ZNF423: variants seen among roughly 807,000 people sequenced by gnomAD.
ZNF423 encodes zinc finger protein 423, also known as Ebf-associated zinc finger protein.
Under a neutral mutation model 95.8 loss-of-function variants are expected in ZNF423, and 12 were observed. The observed-to-expected ratio is 0.13, with a 90% CI of 0.08 to 0.20. The LOEUF (loss-of-function observed/expected upper bound fraction) is 0.20. Among genes scored for constraint, ZNF423 ranks in the 10% least tolerant of loss-of-function variants. The pLI is 1.00. For missense variants in ZNF423, 1,316 were observed against 1,737.1 expected, an observed-to-expected ratio of 0.76 and a Z score of 4.31; for synonymous variants, 749 against 711.9, an observed-to-expected ratio of 1.05 and a Z score of -0.83.
intron 5 of ZNF423, among the ~76,000 whole-genome samples, chr16:49,556,343 T>C (rs1429206708): frequency 6.6e-6 from 1 of 152,144 alleles, no homozygotes; most frequent in African/African-American, 2.4e-5. Context: ...AAGCCCTCCC[T>C]CTCACCCTAG....
chr16:49,750,592 C>T (rs2033616209), intron 2 of ZNF423, among the ~76,000 whole-genome samples: 1 of 152,162 alleles, frequency 6.6e-6, no homozygotes, highest in Admixed American at 6.5e-5. Flanking sequence ...TGTGCACTCA[C>T]AAAACACTCA....
intron 7 of ZNF423, among the ~76,000 whole-genome samples, chr16:49,517,089 A>T (rs961416462): frequency 1.3e-5 from 2 of 152,358 alleles, no homozygotes; most frequent in Admixed American, 1.3e-4. Context: ...AGAAAGAGGC[A>T]GAAGGCAGGG....
At chr16:49,525,044 G>A (rs1200422719) in intron 6 of ZNF423, among the ~76,000 whole-genome samples, 1 of 152,218 alleles carries the variant, frequency 6.6e-6, no homozygotes, top group Non-Finnish European at 1.5e-5. Flanking sequence ...GGCCCGGGAG[G>A]GGAAAACTGC....
chr16:49,742,852 C>G (rs2143505568), intron 2 of ZNF423, among the ~76,000 whole-genome samples: 1 of 152,162 alleles, frequency 6.6e-6, no homozygotes, highest in South Asian at 2.1e-4. Context: ...GGATCTGTAC[C>G]CCTAAAACCA....
intron 3 of ZNF423, among the ~76,000 whole-genome samples, chr16:49,670,579 T>G (rs1041428423): frequency 6.6e-6 from 1 of 152,022 alleles, no homozygotes; most frequent in Non-Finnish European, 1.5e-5. Flanking sequence ...GAGGAGGAGT[T>G]GGGGCTGCAT....
chr16:49,544,018 G>A (rs902586833), intron 5 of ZNF423, among the ~76,000 whole-genome samples: 7 of 152,196 alleles, frequency 4.6e-5, no homozygotes, highest in Non-Finnish European at 7.3e-5. Flanking sequence ...AATTAACACC[G>A]TCATTAGTCT....
At chr16:49,850,336 G>A (rs2035289578) in intron 1 of ZNF423, among the ~76,000 whole-genome samples, 1 of 152,114 alleles carries the variant, frequency 6.6e-6, no homozygotes, top group African/African-American at 2.4e-5. Flanking sequence ...CTGATTACCC[G>A]CTAACATGTC....
intron 1 of ZNF423, among the ~76,000 whole-genome samples, chr16:49,838,634 G>A (rs2035146937): frequency 6.6e-6 from 1 of 152,092 alleles, no homozygotes; most frequent in Non-Finnish European, 1.5e-5. Flanking sequence ...CCAGCTGTGG[G>A]CTCGACGCCG....
chr16:49,844,729 C>T (rs1468557517), intron 1 of ZNF423, among the ~76,000 whole-genome samples: 1 of 152,176 alleles, frequency 6.6e-6, no homozygotes, highest in African/African-American at 2.4e-5. Context: ...ACAATTCACA[C>T]ATTCACTCAT....
intron 1 of ZNF423, among the ~76,000 whole-genome samples, chr16:49,842,410 A>AAGGAAGGAAGGC (rs1448904663): frequency 0.015 from 1,177 of 77,550 alleles, 13 homozygotes; most frequent in East Asian, 0.034. Flanking sequence ...GGAAGGAAGG[A>AAGGAAGGAAGGC]AGGCAGGCAG....
chr16:49,803,721 T>G (rs1419409447), intron 1 of ZNF423, among the ~76,000 whole-genome samples: 1 of 152,018 alleles, frequency 6.6e-6, no homozygotes, highest in African/African-American at 2.4e-5. Flanking sequence ...AGTGAATGAA[T>G]GAACAAACTA....
At chr16:49,513,340 G>A (rs1409097963) in intron 7 of ZNF423, among the ~76,000 whole-genome samples, 2 of 152,252 alleles carry the variant, frequency 1.3e-5, no homozygotes. Flanking sequence ...AAAGCAGGAA[G>A]GAGGAAGATG....
chr16:49,834,882 G>A (rs2035100528), intron 1 of ZNF423, among the ~76,000 whole-genome samples: 1 of 152,022 alleles, frequency 6.6e-6, no homozygotes, highest in Non-Finnish European at 1.5e-5. Flanking sequence ...GAAGGAGGGG[G>A]CCCAGGAGGG....
chr16:49,574,943 C>T (rs1445780213), intron 5 of ZNF423, among the ~76,000 whole-genome samples: 2 of 152,162 alleles, frequency 1.3e-5, no homozygotes, highest in Non-Finnish European at 2.9e-5. Context: ...TCTTCCCACC[C>T]GACTTGCTAA....
intron 2 of ZNF423, among the ~76,000 whole-genome samples, chr16:49,771,219 G>C (rs1222183131): frequency 7.9e-6 from 1 of 125,914 alleles, no homozygotes; most frequent in Non-Finnish European, 1.6e-5. Flanking sequence ...TTTTGAGAAG[G>C]AGTCTCACTC....
At chr16:49,702,390 T>G (rs1222409049) in intron 3 of ZNF423, among the ~76,000 whole-genome samples, 1 of 152,136 alleles carries the variant, frequency 6.6e-6, no homozygotes, top group Non-Finnish European at 1.5e-5. Flanking sequence ...CCACTTCGAG[T>G]GGGCCAGCCC....
chr16:49,619,896 G>A (rs1360349850), intron 5 of ZNF423, among the ~76,000 whole-genome samples: 1 of 152,056 alleles, frequency 6.6e-6, no homozygotes, highest in Non-Finnish European at 1.5e-5. Context: ...CCCTGGAGCT[G>A]GGGCGAGACA....
At chr16:49,789,891 G>A (rs1312281925) in intron 1 of ZNF423, among the ~76,000 whole-genome samples, 1 of 152,146 alleles carries the variant, frequency 6.6e-6, no homozygotes, top group African/African-American at 2.4e-5. Flanking sequence ...TGACCCTGCT[G>A]AGACCTGACC....
chr16:49,857,306 T>TGGCGGCGGCGGCGGCGGC (rs59062897), upstream of ZNF423, among the ~76,000 whole-genome samples: 2 of 144,468 alleles, frequency 1.4e-5, no homozygotes, highest in East Asian at 4.2e-4. This position sits in a 1 kb window ranked among gnomAD's most constrained non-coding sequence, Gnocchi z 6.2. Context: ...CGGACCGTGG[T>TGGCGGCGGCGGCGGCGGC]GGCGGCGGCG....
Sources: allele counts gnomAD v4.1 joint callset (sites outside exome capture counted in the v4.1 genomes callset), GRCh38; gene constraint gnomAD v4.1.1; non-coding constraint Gnocchi (gnomAD v3.1); transcripts MANE v1.5; gene names NCBI Gene and HGNC (gene_info 2026-07-23, HGNC 2026-07-21).